Variants in GRIP2 observed in about 807,000 individuals in gnomAD.
The protein encoded by GRIP2 is glutamate receptor interacting protein 2.
A neutral mutation model predicts 108.3 loss-of-function variants in GRIP2; 58 were observed. That is an observed-to-expected ratio of 0.54 (90% CI 0.43 to 0.67). GRIP2 has a LOEUF of 0.67. Among genes scored for constraint, GRIP2 ranks in the 30% least tolerant of loss-of-function variants. GRIP2 has a pLI of 0.00. For synonymous variants in GRIP2, 586 were observed against 598.2 expected (o/e 0.98, Z 0.30); for missense variants, 1,278 against 1,430.6 (o/e 0.89, Z 1.72).
chr3:14,583,053 G>T, the GRIP2 span, among the ~76,000 whole-genome samples: 35 of 152,356 alleles, frequency 2.3e-4, 1 homozygote, highest in African/African-American at 8.4e-4. Context: ...GAGACTCAGA[G>T]CAAGTGGCTG....
chr3:14,499,761 G>T (rs564816910), intron 21 of GRIP2, among the ~76,000 whole-genome samples: 2 of 151,984 alleles, frequency 1.3e-5, no homozygotes, highest in African/African-American at 4.8e-5. Flanking sequence ...AAAGAAAAAA[G>T]AAAAAGAAAC....
rs1694197776 is a variant in GRIP2 at position 14,514,599 on chromosome 3, C to T, written c.1307-121G>A. The stretch of plus-strand genomic sequence containing the variant: ...GAGTGCAAGGAAGTGGGAGCCCTGA[C>T]TCAGTCTGGGACCAGACAGATCACA... On this transcript the variant is annotated intron_variant, in intron 11 of 23. Transcript: ENST00000621039. 6 of 1,007,312 alleles carry T rather than the reference C, an allele frequency of 6.0e-6. No individual in the cohort carries two copies. The Admixed American group carries it at 1.8e-4, about 29-fold the overall frequency. 62.4% of individuals were successfully genotyped at this position (1,007,312 alleles called of 1,614,324 possible).
upstream of GRIP2, among the ~76,000 whole-genome samples, chr3:14,557,827 C>G (rs902376453): frequency 5.9e-5 from 9 of 152,326 alleles, no homozygotes; most frequent in East Asian, 9.6e-4. Flanking sequence ...TAGGGATGGG[C>G]AGATCTGAGG....
chr3:14,573,151 G>A, the GRIP2 span: 2 of 1,433,360 alleles, frequency 1.4e-6, no homozygotes, highest in Non-Finnish European at 9.8e-7. Context: ...CAGAGGAAGA[G>A]CACCACAGCC....
rs2124867626 is a variant in GRIP2, at chr3:14,505,819, C to T, written c.2399-30G>A. 6.8e-7 allele frequency: 1 copy of T among 1,481,424 alleles called. No homozygotes were observed. The highest frequency in any genetic ancestry group is 9.0e-7 in the Non-Finnish European group (1 of 1,116,060). The allele number at this position is 1,481,424 out of a possible 1,614,324, so 91.8% of individuals were successfully genotyped here. On this transcript the variant is annotated intron_variant, in intron 19 of 23. Coordinates refer to ENST00000621039, the MANE Select transcript of GRIP2 (RefSeq NM_001080423.4). The surrounding 1 kb of genome is among the most constrained non-coding windows in gnomAD (Gnocchi z 4.2). ...TGGTGGAGAGAGGGCCTCTGTGTTC[C>T]CTGCGGCCTCACCTTGCCCTCCTGC...
upstream of GRIP2, among the ~76,000 whole-genome samples, chr3:14,557,776 C>T (rs1695259949): frequency 1.3e-5 from 2 of 152,218 alleles, no homozygotes. Flanking sequence ...CTTAGCTGTG[C>T]AAACAGAGAG....
rs752514918 is a variant in GRIP2, at chr3:14,509,978, G to C, written c.1934-14C>G. The C allele has an allele frequency of 1.2e-5, 17 of 1,466,126 alleles. 1 individual carries two copies. In the South Asian group the frequency reaches 2.4e-4, roughly 21 times the overall value. 90.8% of individuals were successfully genotyped at this position (1,466,126 alleles called of 1,614,324 possible). A position where few individuals can be genotyped will look rare whatever the true frequency, so the allele number is the denominator to read the frequency against. On this transcript the variant is annotated splice_polypyrimidine_tract_variant and intron_variant, in intron 16 of 23. Transcript: ENST00000621039. ...TCTCCAGCTCATCTGCAAGCACGGG[G>C]ACCCATGAGGAGGAGGCCCCCGAGG... is the stretch of plus-strand genomic sequence containing the variant.
the GRIP2 span, among the ~76,000 whole-genome samples, chr3:14,585,962 C>G: frequency 6.6e-6 from 1 of 152,182 alleles, no homozygotes; most frequent in Non-Finnish European, 1.5e-5. Flanking sequence ...TCAGAAGAAA[C>G]CCAAATTCCT....
At chr3:14,523,947 C>T in intron 4 of GRIP2, 1 of 543,984 alleles carries the variant, frequency 1.8e-6, no homozygotes, top group East Asian at 3.1e-5. Context: ...AGAACTCAGG[C>T]TTGAGTCCAT....
At chr3:14,541,451 G>C (rs1427776946), upstream of GRIP2, among the ~76,000 whole-genome samples, 3 of 152,216 alleles carry the variant, frequency 2.0e-5, no homozygotes, top group African/African-American at 7.2e-5. Context: ...TAGTGGGAGA[G>C]GGCTGCCCGG....
At position 14,489,370 on chromosome 3, in the gene GRIP2, G is replaced by A. The variant is rs1430466830; in HGVS notation, c.*4295C>T. On this transcript the variant is annotated 3_prime_UTR_variant, in exon 24 of 24. Coordinates refer to ENST00000621039, the MANE Select transcript of GRIP2 (RefSeq NM_001080423.4). ...TCCAACATGTGTGGGTTGTGTTCTG[G>A]TGAGGTATTTCCCCCTCAACGTTTG... The A allele has an allele frequency of 6.6e-6, 1 of 152,436 alleles. No individual in the cohort carries two copies. Among genetic ancestry groups the A allele is most frequent in the African/African-American group, 2.4e-5 (1 of 41,374 alleles). The allele number at this position is 152,436 out of a possible 1,614,324, so 9.4% of individuals were successfully genotyped here.
At chr3:14,552,632 CTCTTTT>C (rs1695169088) in intron 1 of GRIP2, among the ~76,000 whole-genome samples, 1 of 106,274 alleles carries the variant, frequency 9.4e-6, no homozygotes, top group Non-Finnish European at 2.1e-5. Context: ...CTCTCTCTCT[CTCTTTT>C]TTTTTTTTTT....
intron 21 of GRIP2, among the ~76,000 whole-genome samples, chr3:14,500,776 G>A (rs1693743368): frequency 6.6e-6 from 1 of 152,196 alleles, no homozygotes. Context: ...CAGAAAAAAA[G>A]GGGTATGCAA....
Position 14,540,325 on chromosome 3 carries a change from C to T in GRIP2, c.-17G>A, listed in dbSNP as rs1694936413. The T allele has an allele frequency of 6.2e-7, 1 of 1,613,558 alleles. No individual in the cohort carries two copies. The highest frequency in any genetic ancestry group is 2.2e-5 in the East Asian group (1 of 44,838). On this transcript the variant is annotated 5_prime_UTR_variant, in exon 1 of 24. Transcript: ENST00000621039. This position sits in a 1 kb window ranked among gnomAD's most constrained non-coding sequence, Gnocchi z 4.1. ...ACACAGCATGTTCGCTATTGTCTCC[C>T]CTGCTGCCCACCAACTCCCTCGGGA...
At chr3:14,538,303 G>A (rs555762015) in intron 1 of GRIP2, among the ~76,000 whole-genome samples, 7 of 152,318 alleles carry the variant, frequency 4.6e-5, no homozygotes, top group East Asian at 1.9e-4. Flanking sequence ...GAGGCTCAGC[G>A]ATCCATCAGG....
At chr3:14,599,457 CCA>C in the GRIP2 span, among the ~76,000 whole-genome samples, 1 of 152,106 alleles carries the variant, frequency 6.6e-6, no homozygotes, top group Non-Finnish European at 1.5e-5. Flanking sequence ...GCCCTCAACT[CCA>C]CACTCCCTAA....
chr3:14,517,494 CTTTTTTTT>C (rs146509076), intron 10 of GRIP2, among the ~76,000 whole-genome samples: 67 of 107,764 alleles, frequency 6.2e-4, no homozygotes, highest in African/African-American at 2.4e-3. Flanking sequence ...ATCTCTCTCT[CTTTTTTTT>C]TTTTTTTTTT....
At chr3:14,565,522 A>T in the GRIP2 span, among the ~76,000 whole-genome samples, 8 of 152,062 alleles carry the variant, frequency 5.3e-5, no homozygotes, top group Admixed American at 1.3e-4. Context: ...GCTGGGCAGG[A>T]CCCTGCCTCC....
chr3:14,544,318 G>C (rs983316537), upstream of GRIP2, among the ~76,000 whole-genome samples: 1 of 152,180 alleles, frequency 6.6e-6, no homozygotes, highest in Non-Finnish European at 1.5e-5. Flanking sequence ...CTGCTTGTGC[G>C]GGGCTGCTCT....
Sources: allele counts gnomAD v4.1 joint callset (sites outside exome capture counted in the v4.1 genomes callset), GRCh38; gene constraint gnomAD v4.1.1; non-coding constraint Gnocchi (gnomAD v3.1); transcripts MANE v1.5; gene names NCBI Gene and HGNC (gene_info 2026-07-23, HGNC 2026-07-21).